The following ATP10B variants were observed in gnomAD, a reference collection of about 807,000 sequenced individuals.
ATP10B encodes phospholipid-transporting ATPase VB.
Under a neutral mutation model 141.2 loss-of-function variants are expected in ATP10B, and 122 were observed. The ratio of observed to expected loss-of-function variants is 0.86; its 90% CI spans 0.75 to 1.00. The LOEUF is 1.00. ATP10B is among the 50% of genes least tolerant of loss of function. The pLI, the probability that ATP10B is intolerant of heterozygous loss-of-function variation, is 0.00. For missense variants in ATP10B, 1,876 were observed against 1,825.3 expected (o/e 1.03, Z -0.51); for synonymous variants, 685 against 692.0 (o/e 0.99, Z 0.16).
At chr5:160,766,301 G>T (rs1461970838) in intron 2 of ATP10B, among the ~76,000 whole-genome samples, 1 of 147,186 alleles carries the variant, frequency 6.8e-6, no homozygotes, top group Non-Finnish European at 1.5e-5. Flanking sequence ...TACGGAACCA[G>T]CCTAAATGTC....
intron 23 of ATP10B, among the ~76,000 whole-genome samples, chr5:160,590,441 C>T (rs1341988327): frequency 6.6e-6 from 1 of 152,166 alleles, no homozygotes; most frequent in African/African-American, 2.4e-5. Flanking sequence ...AATTGCTTCC[C>T]ATCCTGTTCC....
chr5:160,635,689 T>C (rs1321530350), intron 11 of ATP10B, among the ~76,000 whole-genome samples: 1 of 152,220 alleles, frequency 6.6e-6, no homozygotes, highest in Admixed American at 6.5e-5. Flanking sequence ...TCTTCATCAA[T>C]TACTGTCTCA....
chr5:160,777,975 T>TA (rs11314632), intron 2 of ATP10B, among the ~76,000 whole-genome samples: 32 of 151,764 alleles, frequency 2.1e-4, no homozygotes, highest in African/African-American at 6.8e-4. Context: ...ACTTAGGTTA[T>TA]AAAAAAAATA....
intron 2 of ATP10B, among the ~76,000 whole-genome samples, chr5:160,766,366 A>ACAC (rs1360732281): frequency 1.2e-4 from 13 of 104,368 alleles, no homozygotes; most frequent in Non-Finnish European, 2.2e-4. Context: ...ACACACACAC[A>ACAC]CACACACACA....
intron 3 of ATP10B, among the ~76,000 whole-genome samples, chr5:160,716,128 T>C (rs947278005): frequency 6.6e-5 from 10 of 152,184 alleles, no homozygotes; most frequent in Non-Finnish European, 1.5e-4. Flanking sequence ...TTCAGAAATA[T>C]TAATTACGTC....
At chr5:160,821,676 C>A (rs1411245527) in intron 1 of ATP10B, among the ~76,000 whole-genome samples, 3 of 151,906 alleles carry the variant, frequency 2.0e-5, no homozygotes, top group Admixed American at 1.3e-4. Context: ...ATCAGCAGAG[C>A]AGAATAGAGA....
chr5:160,768,055 A>G (rs1465333160), intron 2 of ATP10B, among the ~76,000 whole-genome samples: 1 of 151,110 alleles, frequency 6.6e-6, no homozygotes, highest in Non-Finnish European at 1.5e-5. Flanking sequence ...TTCACTCCCA[A>G]CTCCTTCCCG....
chr5:160,758,406 A>G (rs1273481637), intron 2 of ATP10B, among the ~76,000 whole-genome samples: 2 of 152,206 alleles, frequency 1.3e-5, no homozygotes, highest in Non-Finnish European at 2.9e-5. Flanking sequence ...AGATATTATT[A>G]TTATAGAGGC....
At chr5:160,926,020 GGAT>G in the ATP10B span, among the ~76,000 whole-genome samples, 1 of 152,346 alleles carries the variant, frequency 6.6e-6, no homozygotes, top group South Asian at 2.1e-4. Context: ...TGCACCTGGT[GGAT>G]GAGAGCACGT....
chr5:160,891,930 T>C, the ATP10B span, among the ~76,000 whole-genome samples: 1 of 152,128 alleles, frequency 6.6e-6, no homozygotes, highest in Non-Finnish European at 1.5e-5. Flanking sequence ...ATTGTAGAGG[T>C]GAATGAGAAA....
intron 2 of ATP10B, among the ~76,000 whole-genome samples, chr5:160,719,129 G>C (rs370251475): frequency 1.3e-5 from 2 of 152,162 alleles, no homozygotes; most frequent in Non-Finnish European, 2.9e-5. Context: ...GGCCGGGCAC[G>C]GTGGCTCACG....
At chr5:160,914,018 G>A in the ATP10B span, among the ~76,000 whole-genome samples, 1 of 152,172 alleles carries the variant, frequency 6.6e-6, no homozygotes, top group Admixed American at 6.5e-5. Context: ...ATCATAATTT[G>A]TTAATTGCCA....
intron 12 of ATP10B, chr5:160,632,914 A>G (rs1759044659): frequency 6.6e-6 from 1 of 152,116 alleles, no homozygotes. Flanking sequence ...GAAGGATATG[A>G]ACAGACACTT....
the ATP10B span, among the ~76,000 whole-genome samples, chr5:160,908,884 G>T: frequency 2.0e-5 from 3 of 152,086 alleles, no homozygotes; most frequent in African/African-American, 7.2e-5. Flanking sequence ...CTAAGCTTCT[G>T]CTAGCCTTTA....
At position 160,634,685 on chromosome 5, in the gene ATP10B, G is replaced by C. The variant is rs144505053; in HGVS notation, c.1129-79C>G. On this transcript the variant is annotated intron_variant, in intron 11 of 25. Coordinates refer to ENST00000327245, the MANE Select transcript of ATP10B (RefSeq NM_025153.3). ...GGATCCTCACTAGCAGGTAGCAAAG[G>C]CATTTCATAGAAAGTTGAGGTCAGC... is the stretch of plus-strand genomic sequence containing the variant. The C allele has an allele frequency of 9.8e-5, 144 of 1,468,524 alleles. 2 individuals carry two copies. Among genetic ancestry groups the C allele is most frequent in the Middle Eastern group, 9.7e-4 (5 of 5,148 alleles). The allele number at this position is 1,468,524 out of a possible 1,614,324, so 91.0% of individuals were successfully genotyped here.
intron 2 of ATP10B, among the ~76,000 whole-genome samples, chr5:160,740,222 G>A (rs949518313): frequency 2.0e-5 from 3 of 152,182 alleles, no homozygotes; most frequent in African/African-American, 7.2e-5. Flanking sequence ...TGTATATATT[G>A]TATTTAATAG....
intron 1 of ATP10B, among the ~76,000 whole-genome samples, chr5:160,815,331 T>C (rs1184449837): frequency 6.6e-6 from 1 of 152,012 alleles, no homozygotes; most frequent in Non-Finnish European, 1.5e-5. Flanking sequence ...AAAGCAGCAG[T>C]TGCAATCCTG....
Position 160,569,480 on chromosome 5 carries a change from G to A in ATP10B, c.3938+16C>T, listed in dbSNP as rs1174752244. On this transcript the variant is annotated intron_variant, in intron 25 of 25. Coordinates refer to ENST00000327245, the MANE Select transcript of ATP10B (RefSeq NM_025153.3). The stretch of plus-strand genomic sequence containing the variant: ...TTGGTAATTTTAGGAAAGAAACACA[G>A]CCCTAGTGCTCAAACCTTGGGAGAA... 2.5e-6 allele frequency: 4 copies of A among 1,613,098 alleles called. No homozygotes were observed. The highest frequency in any genetic ancestry group is 1.3e-5 in the African/African-American group (1 of 74,888).
At chr5:160,599,816 T>G (rs1411891657) in intron 21 of ATP10B, among the ~76,000 whole-genome samples, 3 of 152,226 alleles carry the variant, frequency 2.0e-5, no homozygotes, top group Non-Finnish European at 4.4e-5. Context: ...GTTTGGTGAT[T>G]TGACCAAGGT....
Sources: allele counts gnomAD v4.1 joint callset (sites outside exome capture counted in the v4.1 genomes callset), GRCh38; gene constraint gnomAD v4.1.1; transcripts MANE v1.5; gene names NCBI Gene and HGNC (gene_info 2026-07-23, HGNC 2026-07-21).